The following CFAP47 variants were observed in gnomAD, a reference collection of about 807,000 sequenced individuals.
CFAP47 encodes cilia- and flagella-associated protein 47.
CFAP47 carries 29 observed loss-of-function variants against 148.1 expected under a neutral mutation model. The observed-to-expected ratio is 0.20, with a 90% confidence interval of 0.15 to 0.27. The LOEUF is 0.27. Among genes scored for constraint, CFAP47 ranks in the 10% least tolerant of loss-of-function variants. The pLI, the probability that CFAP47 is intolerant of heterozygous loss-of-function variation, is 1.00. For missense variants in CFAP47, 1,872 were observed against 1,697.5 expected, an observed-to-expected ratio of 1.10 and a Z score of -1.81; for synonymous variants, 664 against 577.3, an observed-to-expected ratio of 1.15 and a Z score of -2.15.
intron 48 of CFAP47, among the ~76,000 whole-genome samples, chrX:36,242,807 G>A (rs1219816826): frequency 9.0e-6 from 1 of 111,425 alleles, no homozygotes; most frequent in African/African-American, 3.3e-5. Flanking sequence ...AGGTTGACAA[G>A]CAAATTAAAG....
chrX:36,304,939 A>G (rs1381038983), intron 54 of CFAP47, among the ~76,000 whole-genome samples: 3 of 111,095 alleles, frequency 2.7e-5, no homozygotes, highest in Non-Finnish European at 5.7e-5. Flanking sequence ...CATCAAAATG[A>G]TAATTACAAT....
chrX:36,364,438 TAATAAATAAATAAATA>T (rs56972655), intron 61 of CFAP47, among the ~76,000 whole-genome samples: 29 of 99,124 alleles, frequency 2.9e-4, no homozygotes, highest in South Asian at 9.9e-4. Flanking sequence ...CAGATTGTCC[TAATAAATAAATAAATA>T]AATAAATAAA....
chrX:36,272,689 C>T (rs1053834390), intron 49 of CFAP47, among the ~76,000 whole-genome samples: 2 of 110,950 alleles, frequency 1.8e-5, no homozygotes, highest in African/African-American at 6.5e-5. Context: ...TTTCCAGGAC[C>T]CTCAGTTTTC....
chrX:36,283,211 A>T (rs1556003935), intron 50 of CFAP47, among the ~76,000 whole-genome samples: 1 of 111,940 alleles, frequency 8.9e-6, no homozygotes, highest in African/African-American at 3.2e-5. Context: ...TAAAATCACT[A>T]TAGTGAATGC....
At chrX:36,344,738 G>A (rs782638973) in intron 57 of CFAP47, among the ~76,000 whole-genome samples, 3 of 111,728 alleles carry the variant, frequency 2.7e-5, no homozygotes, top group African/African-American at 6.5e-5. Context: ...AATCTTGTAA[G>A]GCTAAGTTAT....
At chrX:35,984,042 GCT>G (rs769655676) in intron 15 of CFAP47, among the ~76,000 whole-genome samples, 1 of 111,601 alleles carries the variant, frequency 9.0e-6, no homozygotes, top group Non-Finnish European at 1.9e-5. Flanking sequence ...AATGGTGCCA[GCT>G]CTCTTTTATA....
At chrX:36,181,409 A>G (rs1017589655) in intron 40 of CFAP47, among the ~76,000 whole-genome samples, 1 of 111,450 alleles carries the variant, frequency 9.0e-6, no homozygotes, top group African/African-American at 3.3e-5. Flanking sequence ...TTATAAAAGC[A>G]TTTACAATTT....
chrX:35,951,281 T>C lies in CFAP47; in HGVS notation c.807T>C (p.His269=). The change falls in exon 5 of 64, where the codon CAT becomes CAC. Residue 269 remains histidine (H), a synonymous_variant. Transcript: ENST00000378653. ...TCTTCGGATCATCAAAAATTAAACA[T>C]GCACGTGTATACAATAATAGCCCAG... ...PVFFGSSKIK[H]ARVYNNSPEP... The C allele has an allele frequency of 8.3e-7, 1 of 1,210,273 alleles. No homozygotes were observed. The highest frequency in any genetic ancestry group is 1.1e-6 in the Non-Finnish European group (1 of 894,772).
chrX:36,046,078 T>A (rs1446448067), intron 25 of CFAP47, among the ~76,000 whole-genome samples: 1 of 111,278 alleles, frequency 9.0e-6, no homozygotes, highest in Non-Finnish European at 1.9e-5. Context: ...CAATTTTAGA[T>A]CTTTATTTTT....
chrX:35,940,597 G>T (rs1601888610), intron 2 of CFAP47, among the ~76,000 whole-genome samples: 1 of 111,035 alleles, frequency 9.0e-6, no homozygotes, highest in African/African-American at 3.3e-5. Flanking sequence ...GAGATGCAGA[G>T]AAATCATTAT....
chrX:36,371,720 A>G (rs1264182884), intron 62 of CFAP47, among the ~76,000 whole-genome samples: 1 of 64,265 alleles, frequency 1.6e-5, no homozygotes, highest in African/African-American at 6.9e-5. Context: ...ATGTGTGTAT[A>G]TACACACATG....
rs765603761 is a variant in CFAP47, at chrX:36,071,903, C to T, written c.4397C>T (p.Ser1466Leu). The T allele has an allele frequency of 8.3e-7, 1 of 1,207,116 alleles. No individual in the cohort carries two copies. The highest frequency in any genetic ancestry group is 3.0e-5 in the East Asian group (1 of 33,727). The change falls in exon 28 of 64, where the codon TCA becomes TTA. Residue 1466 changes from serine (S) to leucine (L), a missense_variant. Transcript: ENST00000378653. Reference sequence around the variant, plus strand: ...GATGCTAAACCACCCTCTCCTGCTTCAATTAAAAAGACATACACCACTAGC... The same window carrying T: ...GATGCTAAACCACCCTCTCCTGCTTTAATTAAAAAGACATACACCACTAGC... ...YQDAKPPSPA[S>L]IKKTYTTSKF...
At chrX:36,115,542 T>C (rs1404935645) in intron 33 of CFAP47, among the ~76,000 whole-genome samples, 3 of 111,772 alleles carry the variant, frequency 2.7e-5, no homozygotes, top group Admixed American at 9.5e-5. Context: ...ATATGTACTA[T>C]GCTAATCAAG....
chrX:36,223,890 G>C (rs1201404973), intron 45 of CFAP47, among the ~76,000 whole-genome samples: 1 of 111,399 alleles, frequency 9.0e-6, no homozygotes, highest in Non-Finnish European at 1.9e-5. Flanking sequence ...AAGAAGTTTG[G>C]AGGGACGTGT....
chrX:36,101,169 G>C (rs1464239685), intron 32 of CFAP47, among the ~76,000 whole-genome samples: 1 of 112,049 alleles, frequency 8.9e-6, no homozygotes, highest in Non-Finnish European at 1.9e-5. Context: ...CCTTTGCACT[G>C]TTAGTCATAT....
intron 22 of CFAP47, among the ~76,000 whole-genome samples, chrX:36,022,909 T>G (rs1203472298): frequency 8.9e-6 from 1 of 112,384 alleles, no homozygotes; most frequent in Non-Finnish European, 1.9e-5. Flanking sequence ...AAATAACTAT[T>G]TTGAATCCTC....
intron 3 of CFAP47, among the ~76,000 whole-genome samples, chrX:35,944,797 A>G (rs1220905647): frequency 8.9e-6 from 1 of 111,850 alleles, no homozygotes; most frequent in Non-Finnish European, 1.9e-5. Context: ...ATCCAGATTC[A>G]AAAATCACAC....
chrX:36,374,741 A>T, intron 62 of CFAP47: 1 of 470,244 alleles, frequency 2.1e-6, no homozygotes, highest in Non-Finnish European at 3.6e-6. Context: ...CATTTGTCTC[A>T]ATATATTTTT....
At chrX:35,923,818 GAAAAA>G (rs775947756) in intron 1 of CFAP47, among the ~76,000 whole-genome samples, 1 of 84,542 alleles carries the variant, frequency 1.2e-5, no homozygotes, top group African/African-American at 5.0e-5. Flanking sequence ...GAATCCGTCT[GAAAAA>G]AAAAAGTGTA....
Sources: gnomAD v4.1 joint callset for allele counts (sites outside exome capture counted in the v4.1 genomes callset) on GRCh38, gnomAD v4.1.1 for gene constraint, MANE v1.5 for transcripts, NCBI Gene and HGNC (gene_info 2026-07-23, HGNC 2026-07-21) for gene names.